The following LPP variants were observed in gnomAD, a reference collection of about 807,000 sequenced individuals.
The protein encoded by LPP is LIM domain containing preferred translocation partner in lipoma, also known as lipoma-preferred partner.
In LPP, 38 loss-of-function variants were observed where a neutral mutation model predicts 60.4. The observed-to-expected ratio is 0.63, with a 90% CI of 0.49 to 0.83. The LOEUF is 0.83. Ranked by LOEUF, LPP falls within the 40% of genes least tolerant of loss-of-function variation. The pLI is 0.00. For missense variants in LPP, 902 were observed against 783.6 expected (o/e 1.15, Z -1.80); for synonymous variants, 328 against 290.8 (o/e 1.13, Z -1.30).
intron 9 of LPP, among the ~76,000 whole-genome samples, chr3:188,775,580 G>A (rs1737487089): frequency 6.6e-6 from 1 of 152,210 alleles, no homozygotes; most frequent in African/African-American, 2.4e-5. Flanking sequence ...TAGATCATTA[G>A]GAAATTGGCA....
chr3:188,596,599 G>T (rs1381576911), intron 6 of LPP, among the ~76,000 whole-genome samples: 1 of 151,898 alleles, frequency 6.6e-6, no homozygotes, highest in African/African-American at 2.4e-5. Context: ...TAAAATGAGA[G>T]TGTTTTCTGC....
chr3:188,372,736 TA>T (rs1344553187), intron 3 of LPP, among the ~76,000 whole-genome samples: 3 of 152,012 alleles, frequency 2.0e-5, no homozygotes, highest in Admixed American at 2.0e-4. Context: ...CTTTAAGTTT[TA>T]GGGTACATGT....
In LPP at chr3:188,326,212, C is replaced by T. The variant is rs549754465; in HGVS notation, c.-66-15451C>T. 9.2e-5 allele frequency among the ~76,000 whole-genome samples: 14 copies of T among 152,290 alleles called. No homozygotes were observed. The South Asian group carries it at 2.9e-3, about 32-fold the overall frequency. ...GAAATACCAGGTCTTCCGACTTTTA[C>T]GTTCTTTGTGCGCACGCTGGTGATG... On this transcript the variant is annotated intron_variant, in intron 2 of 11. Coordinates refer to ENST00000617246, the MANE Select transcript of LPP (RefSeq NM_001375462.1).
chr3:188,783,412 G>T (rs998405473), intron 9 of LPP, among the ~76,000 whole-genome samples: 25 of 152,200 alleles, frequency 1.6e-4, no homozygotes, highest in Admixed American at 1.5e-3. Context: ...CAGGAACATG[G>T]ATGGAGCTAG....
At chr3:188,223,257 A>G (rs906913174) in intron 1 of LPP, among the ~76,000 whole-genome samples, 8 of 152,212 alleles carry the variant, frequency 5.3e-5, no homozygotes, top group African/African-American at 1.9e-4. Flanking sequence ...GATTTAATCT[A>G]TTCAACAATG....
intron 9 of LPP, among the ~76,000 whole-genome samples, chr3:188,832,211 C>T (rs1356761871): frequency 6.6e-6 from 1 of 152,064 alleles, no homozygotes; most frequent in African/African-American, 2.4e-5. Context: ...TATACGAGTC[C>T]ATCTCAGCAG....
Position 188,352,867 on chromosome 3 carries a change from A to G in LPP, c.-10+11148A>G, listed in dbSNP as rs1766339127. Among the ~76,000 whole-genome samples the G allele has an allele frequency of 6.6e-6, 1 of 152,202 alleles. No individual in the cohort carries two copies. The highest frequency in any genetic ancestry group is 2.1e-4 in the South Asian group (1 of 4,830). ...GACGGGAAAGTGAAGGAGAGTAAGA[A>G]GCCCAGAGTAAATGGCCAAGGTGCC... On this transcript the variant is annotated intron_variant, in intron 3 of 11. Transcript: ENST00000617246. This position sits in a 1 kb window ranked among gnomAD's most constrained non-coding sequence, Gnocchi z 4.4.
chr3:188,209,666 G>T (rs1303518231), intron 1 of LPP, among the ~76,000 whole-genome samples: 1 of 152,182 alleles, frequency 6.6e-6, no homozygotes. Flanking sequence ...TCTTGGAATG[G>T]GATCTGCATC....
intron 1 of LPP, chr3:188,180,058 A>G (rs1250149587): frequency 6.5e-6 from 1 of 154,358 alleles, no homozygotes; most frequent in Non-Finnish European, 1.4e-5. Flanking sequence ...CCTTGTTTGA[A>G]GAAAATTAAG....
Position 188,805,361 on chromosome 3 carries a change from T to C in LPP, c.1410+45079T>C, listed in dbSNP as rs541840163. Among the ~76,000 whole-genome samples, 94 of 152,130 alleles carry C rather than the reference T, an allele frequency of 6.2e-4. 1 individual carries two copies. In the Middle Eastern group the frequency reaches 0.01, roughly 17 times the overall value. On this transcript the variant is annotated intron_variant, in intron 9 of 11. Transcript: ENST00000617246. ...GAAGGCTTTAATCTACAAATTTTAT[T>C]CTTGTTAATTGACAGTTTGCATCTC...
intron 9 of LPP, among the ~76,000 whole-genome samples, chr3:188,773,527 T>C (rs1414428572): frequency 6.6e-6 from 1 of 152,226 alleles, no homozygotes; most frequent in African/African-American, 2.4e-5. Flanking sequence ...GATGACTTTT[T>C]AATTATATCT....
intron 2 of LPP, among the ~76,000 whole-genome samples, chr3:188,287,531 G>A (rs762285092): frequency 1.3e-5 from 2 of 152,168 alleles, no homozygotes; most frequent in East Asian, 1.9e-4. Context: ...AATGGTTCTC[G>A]TTGCTGTCAA....
Position 188,749,816 on chromosome 3 carries a change from G to A in LPP, c.1241-10297G>A, listed in dbSNP as rs961892774. Among the ~76,000 whole-genome samples, 4 of 152,164 alleles carry A rather than the reference G, an allele frequency of 2.6e-5. No individual in the cohort carries two copies. The East Asian group carries it at 7.7e-4, about 29-fold the overall frequency. On this transcript the variant is annotated intron_variant, in intron 8 of 11. Transcript: ENST00000617246. ...TTTATATATCACAATTTTAATTTAGGCTAATTATAATTTTTATTTTCCCCT... is the reference window on the plus strand; with the variant it reads ...TTTATATATCACAATTTTAATTTAGACTAATTATAATTTTTATTTTCCCCT...
chr3:188,380,351 A>AC (rs1776536678), intron 3 of LPP, among the ~76,000 whole-genome samples: 1 of 152,210 alleles, frequency 6.6e-6, no homozygotes, highest in African/African-American at 2.4e-5. Context: ...TACTTTGTAT[A>AC]TTTTTGTCAT....
chr3:188,601,033 C>G (rs549251614), intron 6 of LPP, among the ~76,000 whole-genome samples: 5 of 151,990 alleles, frequency 3.3e-5, no homozygotes, highest in African/African-American at 1.2e-4. Context: ...TTGCTTCTTC[C>G]TTTGGCTATT....
intron 6 of LPP, among the ~76,000 whole-genome samples, chr3:188,546,437 T>C (rs978718569): frequency 6.6e-5 from 10 of 152,090 alleles, no homozygotes; most frequent in African/African-American, 2.4e-4. Context: ...TCATTACCTT[T>C]GAGAGAGGTG....
At chr3:188,154,366 C>T (rs1223480643) in intron 1 of LPP, among the ~76,000 whole-genome samples, 114 bp downstream of exon 1, 9 of 152,062 alleles carry the variant, frequency 5.9e-5, no homozygotes, top group East Asian at 1.9e-4. Flanking sequence ...GGGCGCGCGC[C>T]CTGCTCTGGC....
chr3:188,584,774 C>A lies in LPP; in HGVS notation c.430-24387C>A, dbSNP rs1580173580. Among the ~76,000 whole-genome samples the A allele has an allele frequency of 2.6e-5, 4 of 151,184 alleles. No homozygotes were observed. In the South Asian group the frequency reaches 8.4e-4, roughly 32 times the overall value. On this transcript the variant is annotated intron_variant, in intron 6 of 11. Coordinates refer to ENST00000617246, the MANE Select transcript of LPP (RefSeq NM_001375462.1). Reference sequence around the variant, plus strand: ...TTTATTTGGGTCTTTTCAATACTTTCAACATCATCTTACTTCGGAGCCCCA... The same window carrying A: ...TTTATTTGGGTCTTTTCAATACTTTAAACATCATCTTACTTCGGAGCCCCA...
chr3:188,288,791 C>T (rs971492598), intron 2 of LPP, among the ~76,000 whole-genome samples: 1 of 149,706 alleles, frequency 6.7e-6, no homozygotes, highest in African/African-American at 2.5e-5. Context: ...CTCTTAAAAT[C>T]AATCTCTCTC....
Sources: gnomAD v4.1 joint callset for allele counts (sites outside exome capture counted in the v4.1 genomes callset) on GRCh38, gnomAD v4.1.1 for gene constraint, Gnocchi (gnomAD v3.1) non-coding constraint, MANE v1.5 for transcripts, NCBI Gene and HGNC (gene_info 2026-07-23, HGNC 2026-07-21) for gene names.